The following H3-3A variants were observed in gnomAD, a reference collection of about 807,000 sequenced individuals.
H3-3A encodes the protein histone H3.3.
For missense variants in H3-3A, 7 were observed against 184.0 expected (o/e 0.04, Z 5.57); for synonymous variants, 49 against 61.4 (o/e 0.80, Z 0.95).
At chr1:226,064,271 G>C in intron 1 of H3-3A, 58 bp from the exon 2 acceptor site, 1 of 1,270,926 alleles carries the variant, frequency 7.9e-7, no homozygotes, top group Non-Finnish European at 1.1e-6. Context: ...ATCGTGGCAG[G>C]AAAAGTTGTA....
At chr1:226,062,218 T>C (rs1657729314), upstream of H3-3A, 1 of 150,922 alleles carries the variant, frequency 6.6e-6, no homozygotes, top group South Asian at 2.1e-4. Flanking sequence ...CCGGGTCTCC[T>C]CGGGGGCGCG....
chr1:226,068,818 A>G (rs753559298), intron 3 of H3-3A, among the ~76,000 whole-genome samples: 2 of 152,210 alleles, frequency 1.3e-5, no homozygotes, highest in Non-Finnish European at 2.9e-5. Context: ...GTGCCAAGGA[A>G]CTAGGAGTTC....
intron 3 of H3-3A, chr1:226,066,497 T>C (rs1461113610): frequency 6.6e-6 from 1 of 152,230 alleles, no homozygotes; most frequent in East Asian, 1.9e-4. Context: ...GTTCTAGAGA[T>C]ATTTATGTAT....
chr1:226,065,054 C>G (rs1244480242), intron 2 of H3-3A, among the ~76,000 whole-genome samples: 1 of 152,282 alleles, frequency 6.6e-6, no homozygotes, highest in South Asian at 2.1e-4. Context: ...AAAGCTCATA[C>G]AGTGGAAGAA....
rs1658131676 is a variant in H3-3A, at chr1:226,071,596, C to T, written c.*117C>T. The T allele has an allele frequency of 1.9e-6, 1 of 519,804 alleles. No homozygotes were observed. Among genetic ancestry groups the T allele is most frequent in the Non-Finnish European group, 3.3e-6 (1 of 299,654 alleles). The allele number at this position is 519,804 out of a possible 1,614,324, so 32.2% of individuals were successfully genotyped here. A position where few individuals can be genotyped will look rare whatever the true frequency, so the allele number is the denominator to read the frequency against. On this transcript the variant is annotated 3_prime_UTR_variant, in exon 4 of 4. Coordinates refer to ENST00000366815, the MANE Select transcript of H3-3A (RefSeq NM_002107.7). ...TTTTTTTCCATGGGGTCAAAAGGTA[C>T]CTAAGTATATGATTGCGAGTGGAAA... is the stretch of plus-strand genomic sequence containing the variant.
At chr1:226,068,125 A>G (rs1657986321) in intron 3 of H3-3A, among the ~76,000 whole-genome samples, 2 of 152,190 alleles carry the variant, frequency 1.3e-5, no homozygotes, top group Admixed American at 1.3e-4. Flanking sequence ...AAATTAATTC[A>G]TTAGGTCATA....
At chr1:226,070,453 CAA>C (rs772883738) in intron 3 of H3-3A, among the ~76,000 whole-genome samples, 8 of 150,662 alleles carry the variant, frequency 5.3e-5, no homozygotes, top group East Asian at 2.0e-4. Flanking sequence ...GCCTGGGCAA[CAA>C]AGAGAGACTC....
At chr1:226,067,289 A>G (rs1657960384) in intron 3 of H3-3A, 4 of 152,208 alleles carry the variant, frequency 2.6e-5, no homozygotes, top group African/African-American at 7.2e-5. Context: ...CATATTTGTC[A>G]TTAAGTGTGG....
chr1:226,067,163 C>T (rs968794101), intron 3 of H3-3A: 6 of 152,184 alleles, frequency 3.9e-5, no homozygotes, highest in South Asian at 2.1e-4. Context: ...AAAAGTGTAG[C>T]GTTTTTAGCT....
intron 3 of H3-3A, among the ~76,000 whole-genome samples, chr1:226,070,504 T>C (rs1047755969): frequency 6.6e-6 from 1 of 150,524 alleles, no homozygotes; most frequent in Non-Finnish European, 1.5e-5. Context: ...CCGGGCGCGG[T>C]GGCTCACGCC....
chr1:226,069,439 G>A (rs1177921714), intron 3 of H3-3A, among the ~76,000 whole-genome samples: 1 of 152,178 alleles, frequency 6.6e-6, no homozygotes, highest in Admixed American at 6.6e-5. Context: ...TTTCCTTATA[G>A]AAAAGGAGAG....
chr1:226,067,842 C>T (rs1169256568), intron 3 of H3-3A, among the ~76,000 whole-genome samples: 1 of 151,964 alleles, frequency 6.6e-6, no homozygotes, highest in Non-Finnish European at 1.5e-5. Context: ...TTGTTTTTGG[C>T]CTTAGAATTA....
At chr1:226,068,330 T>C (rs1180362095) in intron 3 of H3-3A, among the ~76,000 whole-genome samples, 3 of 152,220 alleles carry the variant, frequency 2.0e-5, no homozygotes, top group East Asian at 1.9e-4. Context: ...GAGCCCCAGC[T>C]ACCACATGCC....
intron 3 of H3-3A, among the ~76,000 whole-genome samples, chr1:226,068,044 C>T (rs1220942991): frequency 1.3e-5 from 2 of 152,178 alleles, no homozygotes; most frequent in African/African-American, 4.8e-5. Flanking sequence ...AAGAGGCAGA[C>T]GTTGAATATA....
intron 3 of H3-3A, among the ~76,000 whole-genome samples, chr1:226,067,808 T>C (rs927050334): frequency 4.6e-5 from 7 of 151,956 alleles, no homozygotes; most frequent in African/African-American, 1.7e-4. Flanking sequence ...AAGATCGCAA[T>C]TGAAGTAGAA....
chr1:226,071,971 G>A lies in H3-3A; in HGVS notation c.*492G>A, dbSNP rs1576203289. The A allele has an allele frequency of 9.2e-6, 2 of 217,874 alleles. No individual in the cohort carries two copies. The highest frequency in any genetic ancestry group is 4.5e-5 in the African/African-American group (2 of 44,374). The allele number at this position is 217,874 out of a possible 1,614,324, so 13.5% of individuals were successfully genotyped here. A position where few individuals can be genotyped will look rare whatever the true frequency, so the allele number is the denominator to read the frequency against. On this transcript the variant is annotated 3_prime_UTR_variant, in exon 4 of 4. Transcript: ENST00000366815. ...GTTGTCTGTCTTCTGTGCTGTTCCT[G>A]TAAGTTTGCTATTAAAATACATTAA...
intron 3 of H3-3A, among the ~76,000 whole-genome samples, chr1:226,070,472 AAAAT>A (rs1254667563): frequency 3.1e-4 from 47 of 150,762 alleles, no homozygotes; most frequent in African/African-American, 9.0e-4. Context: ...ACTCCGTCTC[AAAAT>A]AAATAAATAA....
chr1:226,063,734 TGTGAGGACTGGAC>T (rs1490651997), intron 1 of H3-3A, among the ~76,000 whole-genome samples: 1 of 152,188 alleles, frequency 6.6e-6, no homozygotes, highest in African/African-American at 2.4e-5. Flanking sequence ...CTGCGAAGCC[TGTGAGGACTGGAC>T]GCGAGGACGG....
At chr1:226,070,445 C>T (rs1658072611) in intron 3 of H3-3A, among the ~76,000 whole-genome samples, 1 of 150,388 alleles carries the variant, frequency 6.6e-6, no homozygotes. Flanking sequence ...GCACTCCAGC[C>T]TGGGCAACAA....
Sources: allele counts gnomAD v4.1 joint callset (sites outside exome capture counted in the v4.1 genomes callset), GRCh38; gene constraint gnomAD v4.1.1; transcripts MANE v1.5; gene names NCBI Gene and HGNC (gene_info 2026-07-23, HGNC 2026-07-21).